The following CFAP97 variants were observed in gnomAD, a reference collection of about 807,000 sequenced individuals.
CFAP97 encodes the protein cilia- and flagella-associated protein 97.
CFAP97 carries 36 observed loss-of-function variants against 43.1 expected under a neutral mutation model. The observed-to-expected ratio is 0.84, with a 90% CI of 0.64 to 1.10. CFAP97 has a LOEUF of 1.10. Among genes scored for constraint, CFAP97 ranks in the 50% least tolerant of loss-of-function variants. CFAP97 has a pLI of 0.00. For synonymous variants in CFAP97, 228 were observed against 225.7 expected (o/e 1.01, Z -0.09); for missense variants, 657 against 620.3 (o/e 1.06, Z -0.63).
chr4:185,191,230 A>C lies in CFAP97; in HGVS notation c.-16-18T>G. 1.4e-6 allele frequency: 2 copies of C among 1,434,484 alleles called. No homozygotes were observed. Among genetic ancestry groups the C allele is most frequent in the Non-Finnish European group, 1.8e-6 (2 of 1,088,098 alleles). 88.9% of individuals were successfully genotyped at this position (1,434,484 alleles called of 1,614,324 possible). A position where few individuals can be genotyped will look rare whatever the true frequency, so the allele number is the denominator to read the frequency against. On this transcript the variant is annotated intron_variant, in intron 1 of 4. Coordinates refer to ENST00000458385, the MANE Select transcript of CFAP97 (RefSeq NM_020827.3). ...AAATATATCTGAAAAAAAAATGTAA[A>C]CATCAGACTAAAGAGTGATTTCCAA...
chr4:185,162,639 G>A lies in CFAP97; in HGVS notation c.*159C>T, dbSNP rs1734910860. The A allele has an allele frequency of 6.8e-6, 5 of 731,274 alleles. No individual in the cohort carries two copies. Among genetic ancestry groups the A allele is most frequent in the Non-Finnish European group, 1.1e-5 (5 of 460,798 alleles). 45.3% of individuals were successfully genotyped at this position (731,274 alleles called of 1,614,324 possible). ...CACTTTTTACATTAAATCGTTTTTT[G>A]ACAATAATTTTGCACTGAATAACAA... On this transcript the variant is annotated 3_prime_UTR_variant, in exon 5 of 5. Coordinates refer to ENST00000458385, the MANE Select transcript of CFAP97 (RefSeq NM_020827.3).
intron 1 of CFAP97, among the ~76,000 whole-genome samples, chr4:185,195,614 A>G (rs910516354): frequency 1.3e-5 from 2 of 152,232 alleles, no homozygotes; most frequent in African/African-American, 4.8e-5. Context: ...AAGGATACAC[A>G]TTAAACATGA....
At position 185,192,733 on chromosome 4, in the gene CFAP97, C is replaced by CTTTTTTTTTTTT. The variant is rs760026667; in HGVS notation, c.-16-1533_-16-1522dup. Among the ~76,000 whole-genome samples the CTTTTTTTTTTTT allele has an allele frequency of 4.1e-4, 33 of 81,420 alleles. 1 individual carries two copies. The highest frequency in any genetic ancestry group is 1.8e-3 in the African/African-American group (33 of 18,354). 53.4% of individuals were successfully genotyped at this position (81,420 alleles called of 152,430 possible). ...CCTTCTTAAGATCAGAATTGACCTT[C>CTTTTTTTTTTTT]TTTTTTTTTTTTTTTTTTTTTTTTT... On this transcript the variant is annotated intron_variant, in intron 1 of 4. Transcript: ENST00000458385.
upstream of CFAP97, among the ~76,000 whole-genome samples, chr4:185,208,986 G>C (rs771349641): frequency 6.6e-6 from 1 of 152,152 alleles, no homozygotes; most frequent in Admixed American, 6.5e-5. Flanking sequence ...TGAATAGTTG[G>C]TAAAAAACAA....
At chr4:185,187,123 G>A (rs1281542351) in intron 2 of CFAP97, among the ~76,000 whole-genome samples, 4 of 152,170 alleles carry the variant, frequency 2.6e-5, no homozygotes, top group Middle Eastern at 3.2e-3. Context: ...TTTTACCCAG[G>A]GGAGAATATT....
chr4:185,202,989 A>T (rs533883661), intron 1 of CFAP97, among the ~76,000 whole-genome samples: 1 of 152,382 alleles, frequency 6.6e-6, no homozygotes, highest in South Asian at 2.1e-4. Flanking sequence ...AGGAAAGGAT[A>T]AAATTAAAGG....
intron 1 of CFAP97, among the ~76,000 whole-genome samples, chr4:185,203,222 GAGAC>G (rs900286927): frequency 2.0e-5 from 3 of 152,314 alleles, no homozygotes; most frequent in Admixed American, 1.3e-4. Flanking sequence ...ATAAAAAAAA[GAGAC>G]AGGTAAGTTT....
Position 185,160,157 on chromosome 4 carries a change from A to G in CFAP97, c.*2641T>C, listed in dbSNP as rs1289382987. The G allele has an allele frequency of 6.6e-6, 1 of 152,218 alleles. No individual in the cohort carries two copies. The highest frequency in any genetic ancestry group is 1.9e-4 in the East Asian group (1 of 5,206). 9.4% of individuals were successfully genotyped at this position (152,218 alleles called of 1,614,324 possible). On this transcript the variant is annotated 3_prime_UTR_variant, in exon 5 of 5. Coordinates refer to ENST00000458385, the MANE Select transcript of CFAP97 (RefSeq NM_020827.3). ...TAGCTAAGAAAACAGCTTTTTATGGAAACTGAAAAAGAGAGCAGAGGAAGT... is the reference window on the plus strand; with the variant it reads ...TAGCTAAGAAAACAGCTTTTTATGGGAACTGAAAAAGAGAGCAGAGGAAGT...
chr4:185,201,200 T>C (rs1736808625), intron 1 of CFAP97, among the ~76,000 whole-genome samples: 1 of 151,680 alleles, frequency 6.6e-6, no homozygotes, highest in Admixed American at 6.6e-5. Flanking sequence ...GTGGCCCATG[T>C]CTGTAATCCC....
At chr4:185,197,119 A>AG (rs1012339522) in intron 1 of CFAP97, among the ~76,000 whole-genome samples, 1 of 151,380 alleles carries the variant, frequency 6.6e-6, no homozygotes, top group African/African-American at 2.4e-5. Context: ...AAAAAAAAAA[A>AG]AAAAGACATG....
rs1737340213 is a variant in CFAP97, at chr4:185,209,009, A to T, written c.-74+316T>A. ...TGGTAAAAAACAAAAAACAAAACAA[A>T]ACAAAACAAAAACCAGAAGTGGAGC... On this transcript the variant is annotated intron_variant, in intron 1 of 2. Coordinates refer to the CFAP97 transcript ENST00000503223. This position sits in a 1 kb window ranked among gnomAD's most constrained non-coding sequence, Gnocchi z 5.2. Among the ~76,000 whole-genome samples, 1 of 152,164 alleles carries T rather than the reference A, an allele frequency of 6.6e-6. No individual in the cohort carries two copies. Among genetic ancestry groups the T allele is most frequent in the Non-Finnish European group, 1.5e-5 (1 of 68,024 alleles).
At chr4:185,203,188 G>A (rs1037350729) in intron 1 of CFAP97, among the ~76,000 whole-genome samples, 4 of 152,044 alleles carry the variant, frequency 2.6e-5, no homozygotes, top group Admixed American at 6.5e-5. Context: ...GCCACAGAGC[G>A]AGACCCTGTC....
At position 185,192,184 on chromosome 4, in the gene CFAP97, G is replaced by T. The variant is rs576552278; in HGVS notation, c.-16-972C>A. 2.0e-4 allele frequency among the ~76,000 whole-genome samples: 30 copies of T among 152,302 alleles called. No homozygotes were observed. In the East Asian group the frequency reaches 5.6e-3, roughly 28 times the overall value. ...TCTTTAAGAGGAACAAAACTTCTAAGTCACACATACAGGCTGCACAGGTAT... is the reference window on the plus strand; with the variant it reads ...TCTTTAAGAGGAACAAAACTTCTAATTCACACATACAGGCTGCACAGGTAT... On this transcript the variant is annotated intron_variant, in intron 1 of 4. Transcript: ENST00000458385.
chr4:185,199,128 T>G lies in CFAP97; in HGVS notation c.-17+4770A>C, dbSNP rs2111420730. Among the ~76,000 whole-genome samples, 2 of 152,028 alleles carry G rather than the reference T, an allele frequency of 1.3e-5. 1 individual carries two copies. Among genetic ancestry groups the G allele is most frequent in the Middle Eastern group, 6.8e-3 (2 of 292 alleles). Reference sequence around the variant, plus strand: ...TGGCTCCCACCTGTAATTCCAGCACTTTGGGAGGCTGAGACGGGCGGATCA... The same window carrying G: ...TGGCTCCCACCTGTAATTCCAGCACGTTGGGAGGCTGAGACGGGCGGATCA... On this transcript the variant is annotated intron_variant, in intron 1 of 4. Coordinates refer to ENST00000458385, the MANE Select transcript of CFAP97 (RefSeq NM_020827.3).
At chr4:185,198,704 A>G (rs59549056) in intron 1 of CFAP97, among the ~76,000 whole-genome samples, 74,955 of 149,794 alleles carry the variant, frequency 0.5, 18,965 homozygotes, top group East Asian at 0.59. Context: ...CAGGAGAATC[A>G]CTTGAAGCCA....
intron 2 of CFAP97, 123 bp downstream of exon 2, chr4:185,190,017 CTAA>C: frequency 1.5e-6 from 1 of 651,086 alleles, no homozygotes; most frequent in Non-Finnish European, 2.4e-6. Context: ...GGTAAAGTTA[CTAA>C]TAATATCAAT....
intron 1 of CFAP97, among the ~76,000 whole-genome samples, chr4:185,192,222 A>C (rs1736293364): frequency 6.6e-6 from 1 of 152,244 alleles, no homozygotes; most frequent in South Asian, 2.1e-4. Context: ...CGAACTTCTG[A>C]ATATGTAATC....
chr4:185,193,386 G>GC (rs1334335522), intron 1 of CFAP97, among the ~76,000 whole-genome samples: 1 of 152,166 alleles, frequency 6.6e-6, no homozygotes, highest in Non-Finnish European at 1.5e-5. Context: ...GGTGGCTCAT[G>GC]CTGTAATCCC....
intron 3 of CFAP97, chr4:185,170,067 GCCA>G: frequency 8.3e-7 from 1 of 1,203,440 alleles, no homozygotes. Context: ...ACTCCTACAG[GCCA>G]GGCACAGTGG....
Sources: gnomAD v4.1 joint callset for allele counts (sites outside exome capture counted in the v4.1 genomes callset) on GRCh38, gnomAD v4.1.1 for gene constraint, Gnocchi (gnomAD v3.1) non-coding constraint, MANE v1.5 for transcripts, NCBI Gene and HGNC (gene_info 2026-07-23, HGNC 2026-07-21) for gene names.